Variants in POLR2F observed in about 807,000 individuals in gnomAD.
POLR2F encodes the protein DNA-directed RNA polymerases I, II, and III subunit RPABC2.
A neutral mutation model predicts 22.7 loss-of-function variants in POLR2F; 12 were observed. That is an observed-to-expected ratio of 0.53 (90% confidence interval 0.34 to 0.86). The LOEUF (loss-of-function observed/expected upper bound fraction) is 0.86, where lower values mean the gene tolerates loss of function less well. POLR2F is among the 40% of genes least tolerant of loss of function. POLR2F has a pLI of 0.02. For synonymous variants in POLR2F, 57 were observed against 66.0 expected, an observed-to-expected ratio of 0.86 and a Z score of 0.66; for missense variants, 126 against 171.5, an observed-to-expected ratio of 0.73 and a Z score of 1.48.
chr22:37,983,369 C>T (rs2145776915), upstream of POLR2F: 1 of 1,608,398 alleles, frequency 6.2e-7, no homozygotes. This position sits in a 1 kb window ranked among gnomAD's most constrained non-coding sequence, Gnocchi z 9.5. Context: ...CCAGAGCTTG[C>T]CCAGCGTCTT....
At chr22:38,009,943 T>C (rs1439902024) in intron 1 of POLR2F, among the ~76,000 whole-genome samples, 1 of 152,258 alleles carries the variant, frequency 6.6e-6, no homozygotes, top group Non-Finnish European at 1.5e-5. Flanking sequence ...TTGGGTTGTT[T>C]CCAGATTTGG....
At chr22:37,984,084 C>A (rs1036490415), upstream of POLR2F, 32 of 237,336 alleles carry the variant, frequency 1.3e-4, no homozygotes, top group Non-Finnish European at 2.4e-4. The surrounding 1 kb of genome is among the most constrained non-coding windows in gnomAD (Gnocchi z 4.4). Context: ...GTGTGGGTGG[C>A]TTTTTTTTTA....
chr22:37,967,042 G>A, intron 3 of POLR2F, 57 bp from the exon 4 acceptor site: 3 of 1,326,348 alleles, frequency 2.3e-6, no homozygotes, highest in Non-Finnish European at 3.2e-6. Context: ...CTCACTGCCT[G>A]TTGGGCCCTT....
chr22:38,013,055 C>T (rs2145811668), intron 1 of POLR2F, among the ~76,000 whole-genome samples: 1 of 152,234 alleles, frequency 6.6e-6, no homozygotes. Flanking sequence ...TCTAGCACTC[C>T]CTCATTGCTT....
At chr22:38,027,767 G>A (rs1376519938), downstream of POLR2F, among the ~76,000 whole-genome samples, 1 of 151,938 alleles carries the variant, frequency 6.6e-6, no homozygotes, top group African/African-American at 2.4e-5. Flanking sequence ...TGAACTCCTC[G>A]GTGTCTTCCC....
intron 1 of POLR2F, among the ~76,000 whole-genome samples, chr22:38,021,199 T>C (rs978050144): frequency 5.3e-5 from 8 of 152,208 alleles, no homozygotes; most frequent in African/African-American, 1.9e-4. Flanking sequence ...CTGGAGTTGC[T>C]GACCTTGAAC....
At chr22:38,033,494 A>AGGCC (rs2085085495) in intron 5 of POLR2F, among the ~76,000 whole-genome samples, 1 of 152,136 alleles carries the variant, frequency 6.6e-6, no homozygotes, top group Non-Finnish European at 1.5e-5. Context: ...AGATGGGGCG[A>AGGCC]CAGACAGGCC....
At chr22:38,000,100 A>G (rs1208262980) in intron 1 of POLR2F, among the ~76,000 whole-genome samples, 4 of 152,160 alleles carry the variant, frequency 2.6e-5, no homozygotes, top group African/African-American at 7.2e-5. Context: ...CTGGTGACTC[A>G]TCCTGCTGGT....
At chr22:38,040,113 A>G (rs2085156615) in intron 5 of POLR2F, among the ~76,000 whole-genome samples, 2 of 151,816 alleles carry the variant, frequency 1.3e-5, no homozygotes, top group South Asian at 4.2e-4. Context: ...TGTCTCTACA[A>G]AAAGATTAAA....
rs1269218292 is a variant in POLR2F, at chr22:37,969,073, T to C, written c.*1358T>C. The C allele has an allele frequency of 1.0e-6, 1 of 985,338 alleles. No homozygotes were observed. The highest frequency in any genetic ancestry group is 1.7e-5 in the African/African-American group (1 of 57,226). The allele number at this position is 985,338 out of a possible 1,614,324, so 61.0% of individuals were successfully genotyped here. ...CTCGGCCCCATTTCTCTAAATGGTCTCTTTGTTCCCTGCTGGGCTGCTCAG... is the reference window on the plus strand; with the variant it reads ...CTCGGCCCCATTTCTCTAAATGGTCCCTTTGTTCCCTGCTGGGCTGCTCAG... On this transcript the variant is annotated 3_prime_UTR_variant, in exon 5 of 5. Coordinates refer to ENST00000442738, the MANE Select transcript of POLR2F (RefSeq NM_021974.5).
At chr22:37,960,875 G>A (rs1931611463) in intron 3 of POLR2F, among the ~76,000 whole-genome samples, 1 of 133,646 alleles carries the variant, frequency 7.5e-6, no homozygotes, top group Non-Finnish European at 1.6e-5. Flanking sequence ...TTGAGATGGA[G>A]TCTCGCTCTG....
Position 37,978,196 on chromosome 22 carries a change from C to A in POLR2F, c.293+11026C>A, listed in dbSNP as rs1196309500. The A allele has an allele frequency of 4.1e-6, 6 of 1,448,906 alleles. No individual in the cohort carries two copies. The highest frequency in any genetic ancestry group is 5.5e-6 in the Non-Finnish European group (6 of 1,098,956). The allele number at this position is 1,448,906 out of a possible 1,614,324, so 89.8% of individuals were successfully genotyped here. A position where few individuals can be genotyped will look rare whatever the true frequency, so the allele number is the denominator to read the frequency against. Reference sequence around the variant, plus strand: ...GGGCTGGCGTGAATGCCAGAGCACTCCAGGTTGGCCTCCCTCTGAGTGTCC... The same window carrying A: ...GGGCTGGCGTGAATGCCAGAGCACTACAGGTTGGCCTCCCTCTGAGTGTCC... On this transcript the variant is annotated intron_variant, in intron 4 of 4. Coordinates refer to the POLR2F transcript ENST00000405557. This position sits in a 1 kb window ranked among gnomAD's most constrained non-coding sequence, Gnocchi z 5.0.
chr22:38,006,217 TAA>T (rs778244520), intron 1 of POLR2F, among the ~76,000 whole-genome samples: 4 of 149,326 alleles, frequency 2.7e-5, no homozygotes, highest in Non-Finnish European at 6.0e-5. Context: ...CTAAAAAAAT[TAA>T]AAAAAAAATG....
At chr22:37,973,458 A>G, downstream of POLR2F, 2 of 1,350,584 alleles carry the variant, frequency 1.5e-6, no homozygotes, top group South Asian at 2.6e-5. Context: ...GGCTGGGGGC[A>G]GGGGCTGGGC....
At chr22:37,996,831 C>T (rs2084719030) in intron 1 of POLR2F, among the ~76,000 whole-genome samples, 1 of 152,186 alleles carries the variant, frequency 6.6e-6, no homozygotes, top group South Asian at 2.1e-4. Flanking sequence ...AATTCCCAGG[C>T]CCCATTCTGA....
At chr22:37,953,842 C>A in intron 1 of POLR2F, 35 bp downstream of exon 1, 1 of 1,602,896 alleles carries the variant, frequency 6.2e-7, no homozygotes, top group Admixed American at 1.7e-5. Flanking sequence ...TTGCGGCAAC[C>A]TTGGAAGGGG....
intron 1 of POLR2F, among the ~76,000 whole-genome samples, chr22:37,996,331 G>T (rs1005262914): frequency 6.6e-6 from 1 of 152,174 alleles, no homozygotes; most frequent in Non-Finnish European, 1.5e-5. Flanking sequence ...GAAGCACCCG[G>T]GTCTTCCCCT....
Position 38,017,853 on chromosome 22 carries a change from G to C in POLR2F, c.121-8016G>C, listed in dbSNP as rs1318590553. On this transcript the variant is annotated intron_variant, in intron 1 of 2. Coordinates refer to the POLR2F transcript ENST00000333418. This position sits in a 1 kb window ranked among gnomAD's most constrained non-coding sequence, Gnocchi z 4.1. ...CTGCAGCTTCTACCCTTTGGTTCCA[G>C]TTCTACTCATTGGAACCATATGGAA... Among the ~76,000 whole-genome samples the C allele has an allele frequency of 1.3e-5, 2 of 152,232 alleles. No homozygotes were observed. The highest frequency in any genetic ancestry group is 2.9e-5 in the Non-Finnish European group (2 of 68,034).
chr22:37,983,797 C>A, upstream of POLR2F: 1 of 1,378,980 alleles, frequency 7.3e-7, no homozygotes, highest in South Asian at 1.4e-5. The surrounding 1 kb of genome is among the most constrained non-coding windows in gnomAD (Gnocchi z 9.5). Context: ...CGCCCCCGGC[C>A]GCCGCCGCCG....
Sources: gnomAD v4.1 joint callset for allele counts (sites outside exome capture counted in the v4.1 genomes callset) on GRCh38, gnomAD v4.1.1 for gene constraint, Gnocchi (gnomAD v3.1) non-coding constraint, MANE v1.5 for transcripts, NCBI Gene and HGNC (gene_info 2026-07-23, HGNC 2026-07-21) for gene names.